Variants in C11orf65 observed in about 807,000 individuals in gnomAD.
C11orf65 encodes the protein chromosome 11 open reading frame 65.
In C11orf65, 38 loss-of-function variants were observed where a neutral mutation model predicts 35.3. The ratio of observed to expected loss-of-function variants is 1.08; its 90% CI spans 0.83 to 1.41. C11orf65 has a LOEUF of 1.41. C11orf65 is among the 40% of genes most tolerant of loss of function. C11orf65 has a pLI of 0.00. For synonymous variants in C11orf65, 105 were observed against 114.4 expected, an observed-to-expected ratio of 0.92 and a Z score of 0.53; for missense variants, 370 against 367.1, an observed-to-expected ratio of 1.01 and a Z score of -0.06.
intron 2 of C11orf65, among the ~76,000 whole-genome samples, chr11:108,357,779 C>T (rs897666648): frequency 6.6e-6 from 1 of 152,034 alleles, no homozygotes; most frequent in Admixed American, 6.5e-5. Context: ...GATATCCACA[C>T]CAAAAACCCA....
At chr11:108,466,048 A>C (rs1322215982) in intron 1 of C11orf65, among the ~76,000 whole-genome samples, 6 of 152,040 alleles carry the variant, frequency 3.9e-5, no homozygotes, top group South Asian at 2.1e-4. Context: ...AAAATGTACC[A>C]TCCAGTAGTG....
At chr11:108,392,331 C>G (rs948070670) in intron 7 of C11orf65, among the ~76,000 whole-genome samples, 1 of 152,150 alleles carries the variant, frequency 6.6e-6, no homozygotes, top group Non-Finnish European at 1.5e-5. Flanking sequence ...CATGAGCCAC[C>G]ATGCCCAGCC....
At chr11:108,380,521 A>C (rs1437894504), downstream of C11orf65, among the ~76,000 whole-genome samples, 1 of 152,222 alleles carries the variant, frequency 6.6e-6, no homozygotes. Flanking sequence ...TTAAACAACC[A>C]GATGTATAAG....
chr11:108,366,445 G>A (rs2091336017), intron 2 of C11orf65: 1 of 221,228 alleles, frequency 4.5e-6, no homozygotes, highest in Non-Finnish European at 9.0e-6. Flanking sequence ...GTCTGTACTT[G>A]ATAGACACTG....
Position 108,451,925 on chromosome 11 carries a change from A to C in C11orf65, c.81+9554T>G, listed in dbSNP as rs1254070517. On this transcript the variant is annotated intron_variant, in intron 2 of 8. Coordinates refer to ENST00000393084, the MANE Select transcript of C11orf65 (RefSeq NM_152587.5). ...TGGGGAAAGGATTCCCTATTTAATA[A>C]ATGGTGCTGGGAAAACTGGTTAGCC... 5.3e-5 allele frequency among the ~76,000 whole-genome samples: 8 copies of C among 152,342 alleles called. No homozygotes were observed. In the East Asian group the frequency reaches 1.3e-3, roughly 26 times the overall value.
intron 1 of C11orf65, among the ~76,000 whole-genome samples, chr11:108,464,298 G>A (rs977938191): frequency 1.3e-5 from 2 of 151,866 alleles, no homozygotes; most frequent in African/African-American, 4.8e-5. Context: ...ATATATTTCT[G>A]TTTTTTGTTT....
chr11:108,465,926 G>A (rs577285320), intron 1 of C11orf65, among the ~76,000 whole-genome samples: 102 of 151,200 alleles, frequency 6.7e-4, no homozygotes, highest in Non-Finnish European at 1.4e-3. Context: ...CGGAGGTTGC[G>A]GTGAGTCGAG....
intron 3 of C11orf65, among the ~76,000 whole-genome samples, chr11:108,417,251 C>T (rs2092748188): frequency 6.6e-6 from 1 of 152,056 alleles, no homozygotes; most frequent in Non-Finnish European, 1.5e-5. Context: ...TAGCTAACAA[C>T]CTGCTGCCAG....
chr11:108,440,777 A>G (rs2093139960), intron 2 of C11orf65, among the ~76,000 whole-genome samples: 1 of 152,176 alleles, frequency 6.6e-6, no homozygotes, highest in Non-Finnish European at 1.5e-5. Flanking sequence ...GTCATGTCCT[A>G]TTTTAGTGGT....
At chr11:108,454,252 T>C (rs1026580939) in intron 2 of C11orf65, among the ~76,000 whole-genome samples, 4 of 151,990 alleles carry the variant, frequency 2.6e-5, no homozygotes, top group Non-Finnish European at 5.9e-5. Flanking sequence ...TTCTGTAGTA[T>C]CAGTTGTAAT....
intron 2 of C11orf65, chr11:108,355,008 G>T: frequency 2.6e-6 from 2 of 777,630 alleles, no homozygotes; most frequent in Non-Finnish European, 4.4e-6. Flanking sequence ...CAGAAAGGAG[G>T]AGATTGTGCA....
At chr11:108,458,818 C>A (rs541595828) in intron 2 of C11orf65, among the ~76,000 whole-genome samples, 2 of 152,274 alleles carry the variant, frequency 1.3e-5, no homozygotes, top group East Asian at 3.9e-4. Context: ...CCATCCCAGT[C>A]CTGTCCCCAG....
intron 6 of C11orf65, chr11:108,317,533 G>T: frequency 6.3e-7 from 1 of 1,575,716 alleles, no homozygotes; most frequent in South Asian, 1.1e-5. Context: ...TAAGAAATTT[G>T]ACTTGATTTT....
intron 2 of C11orf65, among the ~76,000 whole-genome samples, chr11:108,453,686 C>G (rs760396443): frequency 5.3e-5 from 8 of 152,080 alleles, no homozygotes; most frequent in Non-Finnish European, 8.8e-5. Context: ...TGCTTTTTGT[C>G]CTTTATTCTG....
upstream of C11orf65, among the ~76,000 whole-genome samples, chr11:108,468,768 A>G (rs2093561189): frequency 6.6e-6 from 1 of 152,184 alleles, no homozygotes. Flanking sequence ...TGGAAACATT[A>G]TGTATATCTT....
chr11:108,408,731 A>AATAAAATAAT (rs2092601493), intron 3 of C11orf65, among the ~76,000 whole-genome samples: 1 of 38,334 alleles, frequency 2.6e-5, no homozygotes, highest in Non-Finnish European at 6.1e-5. Flanking sequence ...AATAAAATAA[A>AATAAAATAAT]ATGATATAAG....
chr11:108,389,672 T>C (rs926003366), intron 7 of C11orf65, among the ~76,000 whole-genome samples: 2 of 152,290 alleles, frequency 1.3e-5, no homozygotes, highest in South Asian at 2.1e-4. Flanking sequence ...TATCCTGGGT[T>C]TTTTTGTTTT....
chr11:108,362,734 G>T (rs1315677759), intron 2 of C11orf65, among the ~76,000 whole-genome samples: 1 of 143,426 alleles, frequency 7.0e-6, no homozygotes, highest in South Asian at 2.3e-4. Context: ...TCACTCATAG[G>T]TGGGAATTGA....
At chr11:108,345,358 A>G (rs1429853284) in intron 2 of C11orf65, among the ~76,000 whole-genome samples, 1 of 152,200 alleles carries the variant, frequency 6.6e-6, no homozygotes, top group Non-Finnish European at 1.5e-5. Context: ...GCTGCCATCT[A>G]TGAGGGATTC....
Sources: gnomAD v4.1 joint callset for allele counts (sites outside exome capture counted in the v4.1 genomes callset) on GRCh38, gnomAD v4.1.1 for gene constraint, MANE v1.5 for transcripts, NCBI Gene and HGNC (gene_info 2026-07-23, HGNC 2026-07-21) for gene names.